DLG1: variants seen among roughly 807,000 people sequenced by gnomAD.
The protein encoded by DLG1 is disks large homolog 1.
In DLG1, 42 loss-of-function variants were observed where a neutral mutation model predicts 123.4. The observed-to-expected ratio is 0.34, with a 90% CI of 0.27 to 0.44. DLG1 has a LOEUF of 0.44. Among genes scored for constraint, DLG1 ranks in the 20% least tolerant of loss-of-function variants. The pLI, the probability that DLG1 is intolerant of heterozygous loss-of-function variation, is 1.00. For missense variants in DLG1, 942 were observed against 1,082.6 expected, an observed-to-expected ratio of 0.87 and a Z score of 1.82; for synonymous variants, 317 against 356.2, an observed-to-expected ratio of 0.89 and a Z score of 1.24.
chr3:197,054,800 A>C, intron 23 of DLG1, among the ~76,000 whole-genome samples: 1 of 150,496 alleles, frequency 6.6e-6, no homozygotes. Flanking sequence ...TCGTGCCACC[A>C]TGGCCAGCTA....
chr3:197,254,090 T>C (rs918331021), intron 4 of DLG1, among the ~76,000 whole-genome samples: 1 of 152,118 alleles, frequency 6.6e-6, no homozygotes, highest in African/African-American at 2.4e-5. Flanking sequence ...GTGACTTTGA[T>C]GGTATAAGGA....
intron 4 of DLG1, among the ~76,000 whole-genome samples, chr3:197,267,921 C>A (rs1158395538): frequency 6.6e-6 from 1 of 151,934 alleles, no homozygotes; most frequent in African/African-American, 2.4e-5. Flanking sequence ...AGGCCCAAGA[C>A]AGAGAAAGAG....
At chr3:197,071,626 T>G (rs934061583) in intron 18 of DLG1, among the ~76,000 whole-genome samples, 2 of 152,196 alleles carry the variant, frequency 1.3e-5, no homozygotes, top group African/African-American at 4.8e-5. Flanking sequence ...TAATTGAAAA[T>G]GTTCCTCTTC....
At chr3:197,106,797 TGA>T (rs1386394088) in intron 13 of DLG1, among the ~76,000 whole-genome samples, 2 of 152,196 alleles carry the variant, frequency 1.3e-5, no homozygotes, top group African/African-American at 4.8e-5. Context: ...ATTCCAGTAC[TGA>T]GAGAGATACT....
At chr3:197,242,393 T>G (rs1749384485) in intron 4 of DLG1, among the ~76,000 whole-genome samples, 1 of 151,256 alleles carries the variant, frequency 6.6e-6, no homozygotes, top group Non-Finnish European at 1.5e-5. Flanking sequence ...AGACAGAAAA[T>G]AAACAAAGAA....
intron 4 of DLG1, among the ~76,000 whole-genome samples, chr3:197,216,358 G>A (rs1173057294): frequency 6.6e-6 from 1 of 152,148 alleles, no homozygotes; most frequent in African/African-American, 2.4e-5. Flanking sequence ...ATGATTTGCT[G>A]GCAGGACTTA....
At chr3:197,127,497 A>ATATATAT (rs1780326507) in intron 11 of DLG1, among the ~76,000 whole-genome samples, 1 of 101,626 alleles carries the variant, frequency 9.8e-6, no homozygotes, top group Non-Finnish European at 2.1e-5. Context: ...TATATATATA[A>ATATATAT]AGTAAGAAAC....
chr3:197,066,851 G>A (rs560385119), intron 19 of DLG1, 97 bp from the exon 20 acceptor site: 9 of 743,218 alleles, frequency 1.2e-5, no homozygotes, highest in Non-Finnish European at 2.0e-5. Flanking sequence ...GAACTTTCCT[G>A]AGAAAATGGC....
intron 4 of DLG1, chr3:197,225,857 C>G (rs192079114): frequency 6.6e-6 from 1 of 152,590 alleles, no homozygotes; most frequent in Non-Finnish European, 1.5e-5. Flanking sequence ...TCAAACCCAC[C>G]TTACATCCAA....
intron 4 of DLG1, among the ~76,000 whole-genome samples, chr3:197,229,104 A>G (rs189336329): frequency 2.0e-5 from 3 of 152,292 alleles, no homozygotes; most frequent in Non-Finnish European, 4.4e-5. Flanking sequence ...GGATGCTACT[A>G]AACATTTTAT....
intron 5 of DLG1, among the ~76,000 whole-genome samples, chr3:197,167,356 G>A (rs1304883599): frequency 6.6e-6 from 1 of 152,140 alleles, no homozygotes; most frequent in African/African-American, 2.4e-5. Flanking sequence ...CATTCCAGTG[G>A]ATGAATGGGA....
At chr3:197,083,898 C>T (rs1462941487) in intron 16 of DLG1, among the ~76,000 whole-genome samples, 3 of 152,072 alleles carry the variant, frequency 2.0e-5, no homozygotes, top group Non-Finnish European at 2.9e-5. Context: ...AGCTTGAGCC[C>T]AGGAGTCTGA....
chr3:197,185,924 T>G (rs1266912213), intron 5 of DLG1, among the ~76,000 whole-genome samples: 1 of 152,164 alleles, frequency 6.6e-6, no homozygotes, highest in African/African-American at 2.4e-5. Context: ...AGGCTCTTAG[T>G]GTGCATCTAT....
chr3:197,297,828 A>C (rs1463999740), intron 1 of DLG1: 1 of 985,116 alleles, frequency 1.0e-6, no homozygotes, highest in Non-Finnish European at 1.2e-6. Flanking sequence ...GTGCGCTCGG[A>C]ACTGGGGTGC....
Position 197,238,538 on chromosome 3 carries a change from A to G in DLG1, c.319-43949T>C, listed in dbSNP as rs9838760. ...GACTCAATGTGAACAACAGAGGAAA[A>G]AGATTTAAGTGAAAAGTGAATACAG... is the stretch of plus-strand genomic sequence containing the variant. On this transcript the variant is annotated intron_variant, in intron 4 of 24. Coordinates refer to ENST00000667157, the MANE Select transcript of DLG1 (RefSeq NM_001366207.1). Among the ~76,000 whole-genome samples, 114 of 152,338 alleles carry G rather than the reference A, an allele frequency of 7.5e-4. 1 individual carries two copies. The highest frequency in any genetic ancestry group is 2.5e-3 in the African/African-American group (106 of 41,580).
intron 4 of DLG1, among the ~76,000 whole-genome samples, chr3:197,196,638 A>T (rs1722667226): frequency 6.6e-6 from 1 of 152,198 alleles, no homozygotes; most frequent in Non-Finnish European, 1.5e-5. Flanking sequence ...ACTGACAATA[A>T]ACTGCCTATC....
chr3:197,141,527 G>C (rs557855014), intron 7 of DLG1, among the ~76,000 whole-genome samples: 182 of 152,256 alleles, frequency 1.2e-3, no homozygotes, highest in African/African-American at 4.2e-3. Context: ...ATACATGTAA[G>C]AGACTCTCTC....
intron 1 of DLG1, chr3:197,297,858 C>T (rs1778273265): frequency 1.0e-6 from 1 of 985,436 alleles, no homozygotes; most frequent in Non-Finnish European, 1.2e-6. Context: ...AGACTCGGAG[C>T]AGCTCCCCAG....
intron 4 of DLG1, among the ~76,000 whole-genome samples, chr3:197,267,192 T>A (rs1186333665): frequency 6.6e-6 from 1 of 151,648 alleles, no homozygotes; most frequent in Non-Finnish European, 1.5e-5. Context: ...TCTCCATGAT[T>A]AAAATATTTT....
Sources: allele counts gnomAD v4.1 joint callset (sites outside exome capture counted in the v4.1 genomes callset), GRCh38; gene constraint gnomAD v4.1.1; transcripts MANE v1.5; gene names NCBI Gene and HGNC (gene_info 2026-07-23, HGNC 2026-07-21).